The following ATN1 variants were observed in gnomAD, a reference collection of about 807,000 sequenced individuals.
ATN1 encodes the protein atrophin-1.
Under a neutral mutation model 85.8 loss-of-function variants are expected in ATN1, and 19 were observed. That is an observed-to-expected ratio of 0.22 (90% CI 0.15 to 0.32). The LOEUF (loss-of-function observed/expected upper bound fraction) is 0.32. Ranked by LOEUF, ATN1 falls within the 10% of genes least tolerant of loss-of-function variation. ATN1 has a pLI of 1.00. For missense variants in ATN1, 1,453 were observed against 1,564.5 expected (o/e 0.93, Z 1.20); for synonymous variants, 674 against 657.0 (o/e 1.03, Z -0.39).
At chr12:6,930,350 C>G (rs1369481516) in intron 1 of ATN1, among the ~76,000 whole-genome samples, 1 of 152,236 alleles carries the variant, frequency 6.6e-6, no homozygotes, top group Non-Finnish European at 1.5e-5. Context: ...ATTTAGCCTG[C>G]GAGCCCCTCC....
chr12:6,938,991 G>A lies in ATN1; in HGVS notation c.3028G>A (p.Ala1010Thr). 1.9e-6 allele frequency: 3 copies of A among 1,612,360 alleles called. No homozygotes were observed. The highest frequency in any genetic ancestry group is 2.5e-6 in the Non-Finnish European group (3 of 1,179,984). The change falls in exon 7 of 10, where the codon GCC becomes ACC. Residue 1010 changes from alanine (A) to threonine (T), a missense_variant. Ala to Thr is a moderately conservative substitution (Grantham distance 58). Coordinates refer to ENST00000396684, the MANE Select transcript of ATN1 (RefSeq NM_001940.4). ...RERLALAAGP[A>T]LRPDMSYAER... is the part of the protein sequence containing the mutation. ...ACGTCTAGCGCTGGCAGCTGGGCCA[G>A]CCCTGCGGCCTGACATGTCCTATGC...
At chr12:6,933,752 C>T (rs186778837) in intron 1 of ATN1, 88 bp from the exon 2 acceptor site, 42 of 586,182 alleles carry the variant, frequency 7.2e-5, no homozygotes, top group Admixed American at 6.9e-4. Context: ...AGGGTTGGGC[C>T]GCTTGCTCAG....
chr12:6,939,084 C>T lies in ATN1; in HGVS notation c.3121C>T (p.Arg1041Trp), dbSNP rs368905426. ...VAALGNDPLA[R>W]LQMLNVTPHH... ...GGCCCTGGGCAATGACCCACTGGCC[C>T]GGCTGCAGATGCTCAATGTGACTCC... Residue 1041 changes from arginine (R) to tryptophan (W), a missense_variant, in exon 7 of 10, where the codon CGG (arginine) becomes TGG (tryptophan). Arg to Trp is a moderately radical substitution (Grantham distance 101). This residue lies in a region of ATN1 where 208 missense variants were observed against 263.4 expected (regional missense o/e 0.79). Transcript: ENST00000396684. 1.2e-6 allele frequency: 2 copies of T among 1,603,044 alleles called. No homozygotes were observed. Among genetic ancestry groups the T allele is most frequent in the Admixed American group, 1.7e-5 (1 of 60,016 alleles).
At chr12:6,940,826 T>C in intron 7 of ATN1, 54 bp from the exon 8 acceptor site, 1 of 1,610,398 alleles carries the variant, frequency 6.2e-7, no homozygotes. Flanking sequence ...CCCAAATGCA[T>C]GGTTTGCCCC....
In ATN1 at chr12:6,938,011, C is replaced by T. The variant is rs1555144127; in HGVS notation, c.2461C>T (p.Arg821Trp). 5.8e-6 allele frequency: 9 copies of T among 1,541,824 alleles called. No homozygotes were observed. Among genetic ancestry groups the T allele is most frequent in the Non-Finnish European group, 6.1e-6 (7 of 1,141,916 alleles). Reference protein sequence around the residue: ...AREEKEREREREREKEREREK... With the variant: ...AREEKEREREWEREKEREREK... ...CGAAGAAAAGGAGCGCGAGCGCGAG[C>T]GGGAACGCGAGAAAGAGCGCGAGCG... is the stretch of plus-strand genomic sequence containing the variant. The change falls in exon 6 of 10, where the codon CGG (arginine) becomes TGG (tryptophan). Residue 821 changes from arginine to tryptophan, a missense_variant. By Grantham distance (101) the Arg-to-Trp change is moderately radical. This residue lies in a region of ATN1 where 990 missense variants were observed against 914.8 expected (regional missense o/e 1.08). Transcript: ENST00000396684.
In ATN1 at chr12:6,934,035, T is replaced by G. The variant is rs1945499078; in HGVS notation, c.27+7T>G. The G allele has an allele frequency of 6.2e-7, 1 of 1,609,414 alleles. No individual in the cohort carries two copies. Among genetic ancestry groups the G allele is most frequent in the East Asian group, 2.2e-5 (1 of 44,792 alleles). On this transcript the variant is annotated splice_region_variant and intron_variant, in intron 2 of 9. Transcript: ENST00000396684. This position sits in a 1 kb window ranked among gnomAD's most constrained non-coding sequence, Gnocchi z 4.5. The stretch of plus-strand genomic sequence containing the variant: ...ACGACAGAATAAAGACTCGGTGAGT[T>G]AAAATGAGAGACATGAAAGATGAGG...
At position 6,934,295 on chromosome 12, in the gene ATN1, G is replaced by A; in HGVS notation, c.147G>A (p.Lys49=). The A allele has an allele frequency of 6.4e-7, 1 of 1,572,192 alleles. No individual in the cohort carries two copies. The highest frequency in any genetic ancestry group is 8.6e-7 in the Non-Finnish European group (1 of 1,165,560). The part of the protein sequence containing the change: ...STSSSDGKAE[K]SRQTAKKARV... ...CCAGCAGTGATGGCAAAGCTGAGAA[G>A]TCCAGGCAGACAGCCAAGGTATTCT... The change falls in exon 3 of 10, where the codon AAG becomes AAA. Residue 49 remains lysine, a synonymous_variant. Transcript: ENST00000396684. This position sits in a 1 kb window ranked among gnomAD's most constrained non-coding sequence, Gnocchi z 4.5.
chr12:6,938,567 G>A lies in ATN1; in HGVS notation c.2604G>A (p.Ala868=). 3.1e-6 allele frequency: 5 copies of A among 1,614,210 alleles called. No individual in the cohort carries two copies. The highest frequency in any genetic ancestry group is 4.2e-6 in the Non-Finnish European group (5 of 1,180,012). The change falls in exon 7 of 10, where the codon GCG becomes GCA. Residue 868 remains alanine (A), a synonymous_variant. Transcript: ENST00000396684. The part of the protein sequence containing the change: ...PHRPPFEPGS[A]VATVPPYLGP... ...GCCCTCCATTTGAACCGGGCAGTGC[G>A]GTGGCTACAGTGCCCCCCTACCTGG...
rs1945469145 is a variant in ATN1 at position 6,931,781 on chromosome 12, C to T, written c.-162-2059C>T. ...GGGCACAGTGGCTCACGCCTGTAAT[C>T]CCAGCACTTGGGAAGGCCGAGGCAG... On this transcript the variant is annotated intron_variant, in intron 1 of 9. Transcript: ENST00000396684. Among the ~76,000 whole-genome samples the T allele has an allele frequency of 2.0e-5, 3 of 151,192 alleles. 1 individual carries two copies. In the South Asian group the frequency reaches 6.3e-4, roughly 32 times the overall value.
chr12:6,929,549 T>TG (rs1230807249), intron 1 of ATN1, among the ~76,000 whole-genome samples: 4 of 152,076 alleles, frequency 2.6e-5, no homozygotes, highest in Admixed American at 6.5e-5. Flanking sequence ...TCAGATTGGT[T>TG]GGGGGGGCTT....
Position 6,938,075 on chromosome 12 carries a change from C to T in ATN1, c.2517+8C>T, listed in dbSNP as rs1282612508. On this transcript the variant is annotated splice_region_variant and intron_variant, in intron 6 of 9. Coordinates refer to ENST00000396684, the MANE Select transcript of ATN1 (RefSeq NM_001940.4). ...GAGCTTGAACGCAGCGTGGTGAGTGCGTCACTGCCTGCGCCACCGCCTTCT... is the reference window on the plus strand; with the variant it reads ...GAGCTTGAACGCAGCGTGGTGAGTGTGTCACTGCCTGCGCCACCGCCTTCT... 3.1e-5 allele frequency: 48 copies of T among 1,537,246 alleles called. No individual in the cohort carries two copies. Among genetic ancestry groups the T allele is most frequent in the Non-Finnish European group, 4.0e-5 (46 of 1,142,808 alleles).
Position 6,937,137 on chromosome 12 carries a change from T to C in ATN1, c.1870T>C (p.Ser624Pro). Reference sequence around the variant, plus strand: ...CACGGTCATTGCCACCGTGGCTTCCTCGCCAGCAGGCTACAAAACGGCCTC... The same window carrying C: ...CACGGTCATTGCCACCGTGGCTTCCCCGCCAGCAGGCTACAAAACGGCCTC... Reference protein sequence around the residue: ...LSTVIATVASSPAGYKTASPP... With the variant: ...LSTVIATVASPPAGYKTASPP... Residue 624 changes from serine to proline, a missense_variant, in exon 5 of 10, where the codon TCG (serine) becomes CCG (proline). Physicochemically the swap from Ser to Pro is moderately conservative, Grantham distance 74. Transcript: ENST00000396684. This position sits in a 1 kb window ranked among gnomAD's most constrained non-coding sequence, Gnocchi z 6.0. The C allele has an allele frequency of 6.2e-7, 1 of 1,611,426 alleles. No homozygotes were observed. Among genetic ancestry groups the C allele is most frequent in the Non-Finnish European group, 8.5e-7 (1 of 1,179,976 alleles).
In ATN1 at chr12:6,937,051, A is replaced by C. The variant is rs112609741; in HGVS notation, c.1784A>C (p.Gln595Pro). 6.2e-7 allele frequency: 1 copy of C among 1,613,618 alleles called. No individual in the cohort carries two copies. The highest frequency in any genetic ancestry group is 1.1e-5 in the South Asian group (1 of 91,064). The change falls in exon 5 of 10, where the codon CAA (glutamine) becomes CCA (proline). Residue 595 changes from glutamine (Q) to proline (P), a missense_variant. This residue lies in a region of ATN1 where 990 missense variants were observed against 914.8 expected (regional missense o/e 1.08). Coordinates refer to ENST00000396684, the MANE Select transcript of ATN1 (RefSeq NM_001940.4). The surrounding 1 kb of genome is among the most constrained non-coding windows in gnomAD (Gnocchi z 6.0). ...CACCCCTCCCCTTCCCAGGGCCCTC[A>C]AGGGGCGCCCTACCCTTTCCCACCG... is the stretch of plus-strand genomic sequence containing the variant. ...CSHPSPSQGP[Q>P]GAPYPFPPVP...
chr12:6,935,821 C>G lies in ATN1; in HGVS notation c.554C>G (p.Pro185Arg). Residue 185 changes from proline to arginine, a missense_variant, in exon 5 of 10, where the codon CCC becomes CGC. Pro to Arg is a moderately radical substitution (Grantham distance 103). Around this residue, in one of 6 missense-constraint regions of ATN1, gnomAD observed 990 missense variants for 914.8 expected, o/e 1.08. Transcript: ENST00000396684. The surrounding 1 kb of genome is among the most constrained non-coding windows in gnomAD (Gnocchi z 5.3). ...CGACAGCCAGAGGCTAGCTTTGAAC[C>G]CCATCCTTCTGTGACACCCACTGGA... ...TPRQPEASFEPHPSVTPTGYH... is the reference protein window; with the variant it reads ...TPRQPEASFERHPSVTPTGYH... 1 of 1,613,928 alleles carries G rather than the reference C, an allele frequency of 6.2e-7. No homozygotes were observed. Among genetic ancestry groups the G allele is most frequent in the Admixed American group, 1.7e-5 (1 of 60,008 alleles).
chr12:6,933,883 C>G lies in ATN1; in HGVS notation c.-119C>G. ...CCTGCAAAAGTTCCAGGTGCCCACA[C>G]TGGAAACTTGGAGATCCTGCTTCCC... On this transcript the variant is annotated 5_prime_UTR_variant, in exon 2 of 10. Transcript: ENST00000396684. 4.7e-6 allele frequency: 6 copies of G among 1,288,274 alleles called. No homozygotes were observed. Among genetic ancestry groups the G allele is most frequent in the Non-Finnish European group, 3.3e-6 (3 of 919,168 alleles). The allele number at this position is 1,288,274 out of a possible 1,614,324, so 79.8% of individuals were successfully genotyped here. A position where few individuals can be genotyped will look rare whatever the true frequency, so the allele number is the denominator to read the frequency against.
intron 1 of ATN1, among the ~76,000 whole-genome samples, chr12:6,929,659 G>A (rs190053894): frequency 1.2e-4 from 19 of 152,224 alleles, no homozygotes; most frequent in Admixed American, 1.2e-3. Context: ...GTTTCCCCAC[G>A]GTGTGCACCC....
chr12:6,931,940 CA>C (rs1173032441), intron 1 of ATN1, among the ~76,000 whole-genome samples: 1 of 141,662 alleles, frequency 7.1e-6, no homozygotes, highest in East Asian at 2.1e-4. Flanking sequence ...GAGGCTGAGG[CA>C]GGAGAATCGC....
upstream of ATN1, among the ~76,000 whole-genome samples, chr12:6,925,787 C>A (rs12813289): frequency 1.3e-5 from 2 of 152,092 alleles, no homozygotes; most frequent in African/African-American, 2.4e-5. Context: ...TAACCTCCTT[C>A]CTTCCCTGAA....
At position 6,941,017 on chromosome 12, in the gene ATN1, C is replaced by T; in HGVS notation, c.3352C>T (p.Leu1118Phe). Residue 1118 changes from leucine (L) to phenylalanine (F), a missense_variant, in exon 8 of 10, where the codon CTC becomes TTC. Coordinates refer to ENST00000396684, the MANE Select transcript of ATN1 (RefSeq NM_001940.4). This position sits in a 1 kb window ranked among gnomAD's most constrained non-coding sequence, Gnocchi z 5.9. ...LHENEVLRHQ[L>F]FAAPYRDLPA... Reference sequence around the variant, plus strand: ...CGAGAACGAAGTTCTTCGTCACCAGCTCTTTGGTAAGGATGGAAGTTGGGG... The same window carrying T: ...CGAGAACGAAGTTCTTCGTCACCAGTTCTTTGGTAAGGATGGAAGTTGGGG... 6.2e-7 allele frequency: 1 copy of T among 1,614,118 alleles called. No homozygotes were observed. Among genetic ancestry groups the T allele is most frequent in the Non-Finnish European group, 8.5e-7 (1 of 1,180,022 alleles).
Sources: gnomAD v4.1 joint callset for allele counts (sites outside exome capture counted in the v4.1 genomes callset) on GRCh38, gnomAD v4.1.1 for gene constraint, gnomAD v4.1.1 regional missense constraint, Gnocchi (gnomAD v3.1) non-coding constraint, MANE v1.5 for transcripts, NCBI Gene and HGNC (gene_info 2026-07-23, HGNC 2026-07-21) for gene names.